MYBPC2: variants seen among roughly 807,000 people sequenced by gnomAD.
MYBPC2 encodes myosin-binding protein C, fast-type.
A neutral mutation model predicts 137.0 loss-of-function variants in MYBPC2; 122 were observed. The ratio of observed to expected loss-of-function variants is 0.89; its 90% CI spans 0.77 to 1.03. MYBPC2 has a LOEUF of 1.03. Ranked by LOEUF, MYBPC2 falls within the 50% of genes least tolerant of loss-of-function variation. MYBPC2 has a pLI of 0.00. For missense variants in MYBPC2, 1,500 were observed against 1,534.4 expected (o/e 0.98, Z 0.37); for synonymous variants, 626 against 612.3 (o/e 1.02, Z -0.33).
chr19:50,445,752 C>G (rs995369417), intron 11 of MYBPC2, 128 bp from the exon 12 acceptor site: 5 of 921,166 alleles, frequency 5.4e-6, no homozygotes, highest in Non-Finnish European at 8.1e-6. Context: ...CTCTGCCACT[C>G]ATTATGTCTC....
rs975988811 is a variant in MYBPC2, at chr19:50,454,424, T to A, written c.2014+55T>A. 8.6e-3 allele frequency: 7,811 copies of A among 911,868 alleles called. 9 individuals are homozygous for A. Among genetic ancestry groups the A allele is most frequent in the South Asian group, 0.028 (921 of 32,358 alleles). The allele number at this position is 911,868 out of a possible 1,614,324, so 56.5% of individuals were successfully genotyped here. ...CCTTCCCTCTTTCTGCCTTCTGTTTTTTTTTTTTTTTTTTTTTTTGAGATG... is the reference window on the plus strand; with the variant it reads ...CCTTCCCTCTTTCTGCCTTCTGTTTATTTTTTTTTTTTTTTTTTTGAGATG... On this transcript the variant is annotated intron_variant, in intron 18 of 27. Coordinates refer to ENST00000357701, the MANE Select transcript of MYBPC2 (RefSeq NM_004533.4).
chr19:50,460,826 T>C (rs974312806), intron 24 of MYBPC2, among the ~76,000 whole-genome samples: 3 of 151,098 alleles, frequency 2.0e-5, no homozygotes, highest in Non-Finnish European at 3.0e-5. Flanking sequence ...CAGCCTCCCA[T>C]GTAGCTGGGA....
rs1442067220 is a variant in MYBPC2 at position 50,459,091 on chromosome 19, G to A, written c.2596-20G>A. On this transcript the variant is annotated intron_variant, in intron 22 of 27. Transcript: ENST00000357701. ...GGTGGAGCCCCGCTGACCCCACCCC[G>A]CCCCGCCCTCTCCCCGCAGGGAAAG... is the stretch of plus-strand genomic sequence containing the variant. 1.2e-5 allele frequency: 9 copies of A among 720,676 alleles called. No homozygotes were observed. The highest frequency in any genetic ancestry group is 1.1e-4 in the Admixed American group (5 of 43,612). 44.6% of individuals were successfully genotyped at this position (720,676 alleles called of 1,614,324 possible). A position where few individuals can be genotyped will look rare whatever the true frequency, so the allele number is the denominator to read the frequency against.
At chr19:50,451,166 C>T in intron 14 of MYBPC2, 114 bp from the exon 15 acceptor site, 1 of 1,358,582 alleles carries the variant, frequency 7.4e-7, no homozygotes, top group Non-Finnish European at 1.0e-6. Flanking sequence ...GTCTCCAGCA[C>T]CCCAGTTCCC....
rs945664304 is a variant in MYBPC2, at chr19:50,433,084, G to A, written c.19+112G>A. 3.7e-6 allele frequency: 5 copies of A among 1,339,918 alleles called. No homozygotes were observed. The African/African-American group carries it at 6.0e-5, about 16-fold the overall frequency. The allele number at this position is 1,339,918 out of a possible 1,614,324, so 83.0% of individuals were successfully genotyped here. ...AGAAGGAGGAACCTTCGCTGTGTGA[G>A]GAGGAGGCTCCCTTTGCTGTGCGGG... On this transcript the variant is annotated intron_variant, in intron 1 of 27. Transcript: ENST00000357701.
chr19:50,443,001 C>A (rs1601284702), intron 9 of MYBPC2, among the ~76,000 whole-genome samples: 1 of 151,866 alleles, frequency 6.6e-6, no homozygotes, highest in African/African-American at 2.4e-5. Context: ...CTGGTCTTGA[C>A]CTCTTCAAGC....
At chr19:50,444,290 T>TCATCCATC (rs66680495) in intron 11 of MYBPC2, among the ~76,000 whole-genome samples, 1,951 of 117,838 alleles carry the variant, frequency 0.017, 36 homozygotes, top group African/African-American at 0.046. Flanking sequence ...GTCCATCCAT[T>TCATCCATC]CATCCATCCA....
At chr19:50,449,963 C>A (rs781135248) in intron 13 of MYBPC2, among the ~76,000 whole-genome samples, 28 of 152,198 alleles carry the variant, frequency 1.8e-4, no homozygotes, top group Non-Finnish European at 3.7e-4. Context: ...CGAGACCAGC[C>A]TGGCCAACAT....
chr19:50,437,739 A>C, intron 7 of MYBPC2, 21 bp downstream of exon 7: 1 of 1,593,436 alleles, frequency 6.3e-7, no homozygotes, highest in African/African-American at 1.3e-5. Flanking sequence ...GACTTGGCAC[A>C]GAGAGGGGAG....
chr19:50,451,242 A>G (rs753962048), intron 14 of MYBPC2, 38 bp from the exon 15 acceptor site: 3 of 1,611,868 alleles, frequency 1.9e-6, no homozygotes, highest in Non-Finnish European at 1.7e-6. Context: ...GGGCCTGCTG[A>G]GTTTAGACCT....
chr19:50,449,315 G>A (rs767681119), intron 13 of MYBPC2, among the ~76,000 whole-genome samples: 26 of 152,204 alleles, frequency 1.7e-4, no homozygotes, highest in Non-Finnish European at 2.8e-4. Context: ...CTTTGCGTGG[G>A]CACTGTCAGG....
In MYBPC2 at chr19:50,461,711, T is replaced by A. The variant is rs1436241276; in HGVS notation, c.3091+10T>A. On this transcript the variant is annotated intron_variant, in intron 25 of 27. Coordinates refer to ENST00000357701, the MANE Select transcript of MYBPC2 (RefSeq NM_004533.4). The stretch of plus-strand genomic sequence containing the variant: ...CGCATCCTCAAGACAGGTACAGCCA[T>A]CCTGCCCCACAGCCCAGGCCCACCC... 6.2e-7 allele frequency: 1 copy of A among 1,612,412 alleles called. No individual in the cohort carries two copies. Among genetic ancestry groups the A allele is most frequent in the African/African-American group, 1.3e-5 (1 of 74,584 alleles).
chr19:50,447,686 C>A (rs1424472832), intron 12 of MYBPC2, among the ~76,000 whole-genome samples: 1 of 151,928 alleles, frequency 6.6e-6, no homozygotes, highest in African/African-American at 2.4e-5. Flanking sequence ...GGTGAAACCC[C>A]ATCTCTACTA....
chr19:50,453,401 T>C (rs2039878633), intron 16 of MYBPC2, among the ~76,000 whole-genome samples: 1 of 152,214 alleles, frequency 6.6e-6, no homozygotes, highest in South Asian at 2.1e-4. Context: ...CCAGGAAGGC[T>C]TCCTGGAAGA....
rs779395277 is a variant in MYBPC2, at chr19:50,448,283, A to G, written c.1365A>G (p.Gln455=). 2 of 1,613,886 alleles carry G rather than the reference A, an allele frequency of 1.2e-6. No individual in the cohort carries two copies. Among genetic ancestry groups the G allele is most frequent in the Non-Finnish European group, 1.7e-6 (2 of 1,179,804 alleles). ...IADLTVKASE[Q]AVFKCEVSDE... ...ATCTGACGGTGAAGGCCTCAGAACAAGCTGTGTTCAAGTGCGAGGTGTCTG... is the reference window on the plus strand; with the variant it reads ...ATCTGACGGTGAAGGCCTCAGAACAGGCTGTGTTCAAGTGCGAGGTGTCTG... Residue 455 remains glutamine (Q), a synonymous_variant, in exon 13 of 28, where the codon CAA becomes CAG. Coordinates refer to ENST00000357701, the MANE Select transcript of MYBPC2 (RefSeq NM_004533.4).
At chr19:50,455,725 T>G (rs1037228895) in intron 20 of MYBPC2, 81 bp downstream of exon 20, 28 of 1,565,414 alleles carry the variant, frequency 1.8e-5, no homozygotes, top group Non-Finnish European at 2.3e-5. Flanking sequence ...AATAGGACCA[T>G]GTGGGACAGA....
Position 50,459,269 on chromosome 19 carries a change from C to T in MYBPC2, c.2754C>T (p.Asn918=). The change falls in exon 23 of 28, where the codon AAC becomes AAT. Residue 918 remains asparagine (N), a synonymous_variant. Transcript: ENST00000357701. Reference sequence around the variant, plus strand: ...ACGAGCTGAGCGTGCAGATCGAGAACATGAAGGACACCGCCACCATCCGCA... The same window carrying T: ...ACGAGCTGAGCGTGCAGATCGAGAATATGAAGGACACCGCCACCATCCGCA... ...GEYELSVQIE[N]MKDTATIRIR... 1.2e-6 allele frequency: 2 copies of T among 1,609,792 alleles called. No individual in the cohort carries two copies. Among genetic ancestry groups the T allele is most frequent in the South Asian group, 2.2e-5 (2 of 90,886 alleles).
intron 16 of MYBPC2, among the ~76,000 whole-genome samples, chr19:50,453,543 T>C (rs1007233258): frequency 6.6e-6 from 1 of 152,068 alleles, no homozygotes; most frequent in Non-Finnish European, 1.5e-5. Context: ...GTTTCTTTTT[T>C]TCTCTTTTTT....
At chr19:50,443,981 CCTAAAATTGTTT>C (rs2039779335) in intron 11 of MYBPC2, among the ~76,000 whole-genome samples, 165 bp downstream of exon 11, 1 of 151,738 alleles carries the variant, frequency 6.6e-6, no homozygotes, top group African/African-American at 2.4e-5. Context: ...CTTACCTTCA[CCTAAAATTGTTT>C]CTAGAATTTC....
Sources: gnomAD v4.1 joint callset for allele counts (sites outside exome capture counted in the v4.1 genomes callset) on GRCh38, gnomAD v4.1.1 for gene constraint, MANE v1.5 for transcripts, NCBI Gene and HGNC (gene_info 2026-07-23, HGNC 2026-07-21) for gene names.